Variants in SH3PXD2A observed in about 807,000 individuals in gnomAD.
SH3PXD2A encodes the protein SH3 and PX domain-containing protein 2A.
In SH3PXD2A, 32 loss-of-function variants were observed where a neutral mutation model predicts 115.2. The observed-to-expected ratio is 0.28, with a 90% CI of 0.21 to 0.37. SH3PXD2A has a LOEUF of 0.37. Among genes scored for constraint, SH3PXD2A ranks in the 10% least tolerant of loss-of-function variants. SH3PXD2A has a pLI of 1.00. For synonymous variants in SH3PXD2A, 610 were observed against 629.1 expected (o/e 0.97, Z 0.45); for missense variants, 1,328 against 1,498.7 (o/e 0.89, Z 1.88).
intron 2 of SH3PXD2A, among the ~76,000 whole-genome samples, chr10:103,781,676 A>G (rs532003449): frequency 1.1e-4 from 17 of 152,332 alleles, no homozygotes; most frequent in African/African-American, 4.1e-4. Flanking sequence ...GCATGACTCA[A>G]CTATTGCTGG....
intron 8 of SH3PXD2A, among the ~76,000 whole-genome samples, chr10:103,652,810 AC>A (rs757228419): frequency 8.2e-4 from 125 of 152,202 alleles, no homozygotes; most frequent in Non-Finnish European, 1.5e-3. Flanking sequence ...CTCACAGGAC[AC>A]CTGTGCAAAG....
At chr10:103,809,574 C>T (rs1476431569) in intron 1 of SH3PXD2A, among the ~76,000 whole-genome samples, 1 of 152,098 alleles carries the variant, frequency 6.6e-6, no homozygotes, top group Non-Finnish European at 1.5e-5. Flanking sequence ...TAGGGAGCAT[C>T]CTTCAAGAGT....
chr10:103,699,672 C>G (rs1021217963), intron 5 of SH3PXD2A, among the ~76,000 whole-genome samples: 1 of 152,124 alleles, frequency 6.6e-6, no homozygotes, highest in South Asian at 2.1e-4. Flanking sequence ...AGCCTTTGCA[C>G]GGAATGGCCT....
At chr10:103,718,049 C>G (rs1392709158) in intron 5 of SH3PXD2A, among the ~76,000 whole-genome samples, 2 of 151,712 alleles carry the variant, frequency 1.3e-5, no homozygotes, top group Non-Finnish European at 2.9e-5. Context: ...CTCTGTTGCC[C>G]AGGCTGGAGT....
chr10:103,606,087 CCAGGGGACTA>C (rs2036296045), intron 13 of SH3PXD2A, among the ~76,000 whole-genome samples, 170 bp from the exon 14 acceptor site: 1 of 152,032 alleles, frequency 6.6e-6, no homozygotes, highest in Non-Finnish European at 1.5e-5. Flanking sequence ...GTATATATCG[CCAGGGGACTA>C]CTCTGATGAG....
intron 5 of SH3PXD2A, among the ~76,000 whole-genome samples, chr10:103,701,671 T>TC (rs2037909142): frequency 7.0e-6 from 1 of 143,670 alleles, no homozygotes; most frequent in Non-Finnish European, 1.5e-5. Context: ...CATCCATCCA[T>TC]CATCCATCCA....
chr10:103,779,961 A>G (rs2038916757), intron 2 of SH3PXD2A, among the ~76,000 whole-genome samples: 1 of 152,236 alleles, frequency 6.6e-6, no homozygotes. Context: ...AGGGGAAGGA[A>G]GGCAAACGGC....
chr10:103,720,904 G>T (rs2038174248), intron 5 of SH3PXD2A, among the ~76,000 whole-genome samples: 1 of 152,254 alleles, frequency 6.6e-6, no homozygotes, highest in Non-Finnish European at 1.5e-5. Context: ...CCGGGCCCGG[G>T]GAGGGGGAGC....
rs1374558226 is a variant in SH3PXD2A at position 103,667,000 on chromosome 10, G to A, written c.472+1608C>T. ...TTGAGAGGCAGCTCAGAGCCCCCTGGGCCTACTCTGGGGGGATGCCAGGCT... is the reference window on the plus strand; with the variant it reads ...TTGAGAGGCAGCTCAGAGCCCCCTGAGCCTACTCTGGGGGGATGCCAGGCT... On this transcript the variant is annotated intron_variant, in intron 7 of 14. Coordinates refer to ENST00000369774, the MANE Select transcript of SH3PXD2A (RefSeq NM_001394015.1). This position sits in a 1 kb window ranked among gnomAD's most constrained non-coding sequence, Gnocchi z 4.5. 6.6e-6 allele frequency among the ~76,000 whole-genome samples: 1 copy of A among 152,136 alleles called. No homozygotes were observed. Among genetic ancestry groups the A allele is most frequent in the African/African-American group, 2.4e-5 (1 of 41,430 alleles).
chr10:103,718,635 G>A (rs529546692), intron 5 of SH3PXD2A, among the ~76,000 whole-genome samples: 9 of 152,276 alleles, frequency 5.9e-5, no homozygotes, highest in African/African-American at 1.7e-4. Context: ...CATCACCTTC[G>A]TGGGTGGCCT....
At chr10:103,702,639 G>T (rs1481496289) in intron 5 of SH3PXD2A, among the ~76,000 whole-genome samples, 1 of 125,128 alleles carries the variant, frequency 8.0e-6, no homozygotes, top group South Asian at 2.6e-4. Flanking sequence ...GGGCAAGAAG[G>T]CTGTATGTCT....
intron 3 of SH3PXD2A, chr10:103,754,848 A>T (rs918470033): frequency 1.3e-5 from 2 of 152,210 alleles, no homozygotes; most frequent in African/African-American, 2.4e-5. Flanking sequence ...AAATGGATTC[A>T]TTGCAGGCTC....
intron 13 of SH3PXD2A, among the ~76,000 whole-genome samples, chr10:103,607,268 C>T (rs1270865325): frequency 1.3e-5 from 2 of 151,770 alleles, no homozygotes; most frequent in Non-Finnish European, 2.9e-5. Flanking sequence ...GCAACCGCCC[C>T]GTCTGAGAAG....
At chr10:103,636,997 A>G (rs994893750) in intron 8 of SH3PXD2A, among the ~76,000 whole-genome samples, 6 of 152,194 alleles carry the variant, frequency 3.9e-5, no homozygotes, top group African/African-American at 1.4e-4. Context: ...GTACCTGGGG[A>G]TGCCCAGTGG....
chr10:103,708,199 C>T (rs769842675), intron 5 of SH3PXD2A, among the ~76,000 whole-genome samples: 54 of 152,300 alleles, frequency 3.5e-4, no homozygotes, highest in Non-Finnish European at 1.8e-4. Context: ...TTGTTGGCGC[C>T]GACCTCAGGC....
At chr10:103,704,197 C>T (rs886235649) in intron 5 of SH3PXD2A, among the ~76,000 whole-genome samples, 1 of 152,124 alleles carries the variant, frequency 6.6e-6, no homozygotes, top group African/African-American at 2.4e-5. Context: ...ATGACAGAAC[C>T]ACCTGGGACA....
intron 8 of SH3PXD2A, among the ~76,000 whole-genome samples, chr10:103,643,139 C>T (rs935387396): frequency 6.6e-6 from 1 of 152,208 alleles, no homozygotes; most frequent in African/African-American, 2.4e-5. Context: ...TCTCTGACAA[C>T]GTGGATTCTT....
At chr10:103,802,905 CTAAGAATAAAATAG>C (rs2039161321) in intron 1 of SH3PXD2A, among the ~76,000 whole-genome samples, 2 of 152,116 alleles carry the variant, frequency 1.3e-5, no homozygotes, top group Non-Finnish European at 2.9e-5. Flanking sequence ...GGACTCTACC[CTAAGAATAAAATAG>C]CCAGTGAGGC....
intron 2 of SH3PXD2A, among the ~76,000 whole-genome samples, chr10:103,778,687 C>T (rs1439406945): frequency 6.6e-6 from 1 of 152,256 alleles, no homozygotes; most frequent in African/African-American, 2.4e-5. Flanking sequence ...GGTAAAGAGA[C>T]TCCGGTGGTG....
Sources: allele counts gnomAD v4.1 joint callset (sites outside exome capture counted in the v4.1 genomes callset), GRCh38; gene constraint gnomAD v4.1.1; non-coding constraint Gnocchi (gnomAD v3.1); transcripts MANE v1.5; gene names NCBI Gene and HGNC (gene_info 2026-07-23, HGNC 2026-07-21).